CACNA2D3: variants seen among roughly 807,000 people sequenced by gnomAD.
CACNA2D3 encodes the protein voltage-dependent calcium channel subunit alpha-2/delta-3.
CACNA2D3 carries 60 observed loss-of-function variants against 160.6 expected under a neutral mutation model. The observed-to-expected ratio is 0.37, with a 90% confidence interval of 0.30 to 0.46. The LOEUF is 0.46. CACNA2D3 is among the 20% of genes least tolerant of loss of function. CACNA2D3 has a pLI of 1.00. For synonymous variants in CACNA2D3, 558 were observed against 492.9 expected (o/e 1.13, Z -1.75); for missense variants, 1,205 against 1,365.0 (o/e 0.88, Z 1.85).
intron 2 of CACNA2D3, among the ~76,000 whole-genome samples, chr3:54,314,972 G>C (rs1041114928): frequency 1.2e-4 from 18 of 152,290 alleles, no homozygotes; most frequent in Admixed American, 1.2e-3. Flanking sequence ...CCTTTTCCCA[G>C]TTGAAGGATG....
chr3:54,885,205 C>A, intron 21 of CACNA2D3, 76 bp from the exon 22 acceptor site: 6 of 1,517,340 alleles, frequency 4.0e-6, no homozygotes, highest in East Asian at 2.2e-5. Flanking sequence ...CGCAGCCCTA[C>A]CCTAGAATAT....
At chr3:54,575,037 T>G (rs1230920283) in intron 8 of CACNA2D3, among the ~76,000 whole-genome samples, 1 of 152,244 alleles carries the variant, frequency 6.6e-6, no homozygotes, top group African/African-American at 2.4e-5. Flanking sequence ...AGTGCTCATT[T>G]GTTCTGTACT....
At chr3:54,188,419 G>C (rs1330386312) in intron 2 of CACNA2D3, among the ~76,000 whole-genome samples, 1 of 152,204 alleles carries the variant, frequency 6.6e-6, no homozygotes, top group Non-Finnish European at 1.5e-5. Flanking sequence ...GTTCATGGGT[G>C]CTGAATGTTG....
intron 13 of CACNA2D3, among the ~76,000 whole-genome samples, 179 bp from the exon 14 acceptor site, chr3:54,816,674 G>A (rs908291851): frequency 1.3e-5 from 2 of 152,204 alleles, no homozygotes; most frequent in African/African-American, 2.4e-5. Flanking sequence ...CAGAAAGCAG[G>A]TCAAATAATC....
chr3:54,434,489 A>C (rs570478860), intron 4 of CACNA2D3, among the ~76,000 whole-genome samples: 3 of 152,320 alleles, frequency 2.0e-5, no homozygotes, highest in African/African-American at 7.2e-5. Context: ...AGACTCATCA[A>C]GGTTGTCTTG....
At chr3:54,855,330 A>C (rs991737003) in intron 17 of CACNA2D3, among the ~76,000 whole-genome samples, 1 of 152,184 alleles carries the variant, frequency 6.6e-6, no homozygotes, top group African/African-American at 2.4e-5. Context: ...CCCTTCATGC[A>C]GATGGGTGGG....
intron 2 of CACNA2D3, among the ~76,000 whole-genome samples, chr3:54,284,040 C>A (rs558381193): frequency 1.3e-5 from 2 of 152,084 alleles, no homozygotes; most frequent in Admixed American, 1.3e-4. Flanking sequence ...CCAGCCTGGG[C>A]GACACAGTGA....
chr3:54,752,500 A>G, intron 11 of CACNA2D3, 99 bp from the exon 12 acceptor site: 1 of 752,020 alleles, frequency 1.3e-6, no homozygotes, highest in Non-Finnish European at 2.4e-6. Context: ...AGCATGGAGC[A>G]TTAAAGAGGT....
chr3:55,064,806 T>C (rs949526307), intron 35 of CACNA2D3, among the ~76,000 whole-genome samples: 1 of 152,082 alleles, frequency 6.6e-6, no homozygotes, highest in Non-Finnish European at 1.5e-5. Context: ...GAGGAAGATG[T>C]TCAGAGTTCA....
intron 2 of CACNA2D3, among the ~76,000 whole-genome samples, chr3:54,151,021 G>A (rs11712475): frequency 0.18 from 27,903 of 151,806 alleles, 2,747 homozygotes; most frequent in Middle Eastern, 0.29. Context: ...AATGGATGTA[G>A]GGATAGAGGA....
chr3:54,313,832 G>A (rs1002318256), intron 2 of CACNA2D3, among the ~76,000 whole-genome samples: 2 of 146,882 alleles, frequency 1.4e-5, no homozygotes, highest in African/African-American at 5.0e-5. Flanking sequence ...CCCTGATGCT[G>A]CATCTTCCTT....
intron 5 of CACNA2D3, among the ~76,000 whole-genome samples, chr3:54,520,322 G>A (rs1295665687): frequency 1.3e-5 from 2 of 152,148 alleles, no homozygotes; most frequent in South Asian, 2.1e-4. Context: ...CCCAGCAGTG[G>A]GAGGCTGGCT....
intron 11 of CACNA2D3, among the ~76,000 whole-genome samples, chr3:54,693,236 T>C (rs1700600524): frequency 6.6e-6 from 1 of 152,222 alleles, no homozygotes; most frequent in African/African-American, 2.4e-5. Flanking sequence ...GATAATCCTT[T>C]CAGTGAAATA....
chr3:54,679,774 T>C (rs545963952), intron 11 of CACNA2D3, among the ~76,000 whole-genome samples: 1 of 152,214 alleles, frequency 6.6e-6, no homozygotes, highest in Non-Finnish European at 1.5e-5. Flanking sequence ...GAATATGGCG[T>C]CCAAAGGCAA....
chr3:54,595,066 T>C (rs2106762315), intron 9 of CACNA2D3, among the ~76,000 whole-genome samples: 1 of 152,308 alleles, frequency 6.6e-6, no homozygotes, highest in East Asian at 1.9e-4. Context: ...CAGATTTGTG[T>C]TTTAAAAGAG....
intron 12 of CACNA2D3, among the ~76,000 whole-genome samples, chr3:54,754,738 A>G (rs895080768): frequency 1.3e-5 from 2 of 152,224 alleles, no homozygotes; most frequent in Non-Finnish European, 2.9e-5. Context: ...GCCATCCTTC[A>G]TAAAAGTTCC....
chr3:54,287,244 A>C (rs780922156), intron 2 of CACNA2D3, among the ~76,000 whole-genome samples: 20 of 152,210 alleles, frequency 1.3e-4, no homozygotes, highest in Non-Finnish European at 2.8e-4. Context: ...TATACCAAGC[A>C]AATGGAAAAC....
intron 27 of CACNA2D3, among the ~76,000 whole-genome samples, chr3:54,943,740 G>A (rs1701537834): frequency 6.6e-6 from 1 of 152,108 alleles, no homozygotes; most frequent in African/African-American, 2.4e-5. Flanking sequence ...GCTTTGGTGA[G>A]ATCTCCCTCT....
chr3:54,202,713 C>A (rs558637322), intron 2 of CACNA2D3, among the ~76,000 whole-genome samples: 1 of 152,282 alleles, frequency 6.6e-6, no homozygotes, highest in Admixed American at 6.5e-5. Context: ...GGCAAAAAAA[C>A]CCAGGAAACT....
Sources: allele counts gnomAD v4.1 joint callset (sites outside exome capture counted in the v4.1 genomes callset), GRCh38; gene constraint gnomAD v4.1.1; transcripts MANE v1.5; gene names NCBI Gene and HGNC (gene_info 2026-07-23, HGNC 2026-07-21).